PHB1: variants seen among roughly 807,000 people sequenced by gnomAD.
PHB1 encodes the protein prohibitin 1, also known as epididymis luminal protein 215.
At chr17:49,413,974 A>G in the PHB1 span, among the ~76,000 whole-genome samples, 1 of 152,320 alleles carries the variant, frequency 6.6e-6, no homozygotes, top group African/African-American at 2.4e-5. Context: ...GTGAGGTTAG[A>G]TTGGTGCAAT....
At chr17:49,406,663 G>T in the PHB1 span, 1 of 848,336 alleles carries the variant, frequency 1.2e-6, no homozygotes, top group Non-Finnish European at 2.0e-6. Flanking sequence ...AAGAAGGGAT[G>T]ACAGATGATG....
the PHB1 span, chr17:49,412,790 T>G: frequency 5.7e-6 from 1 of 175,182 alleles, no homozygotes. Flanking sequence ...CCCAAACAGA[T>G]CTGCAGCCTT....
chr17:49,414,066 A>G, the PHB1 span, among the ~76,000 whole-genome samples: 8 of 152,240 alleles, frequency 5.3e-5, no homozygotes, highest in African/African-American at 1.9e-4. Context: ...TAACACTTAT[A>G]TCAGGTAGCC....
chr17:49,405,343 C>CGGGGGAAGCG, the PHB1 span: 2 of 665,838 alleles, frequency 3.0e-6, no homozygotes, highest in South Asian at 3.7e-5. Context: ...TGATGGCTAG[C>CGGGGGAAGCG]GGGGGAAGCG....
At chr17:49,412,474 G>T in the PHB1 span, among the ~76,000 whole-genome samples, 1 of 152,166 alleles carries the variant, frequency 6.6e-6, no homozygotes, top group Non-Finnish European at 1.5e-5. Flanking sequence ...TTTATCATTG[G>T]TCCAAATATC....
chr17:49,405,204 C>T, the PHB1 span: 1 of 1,613,418 alleles, frequency 6.2e-7, no homozygotes, highest in Admixed American at 1.7e-5. Flanking sequence ...TGTTGCTCAG[C>T]CTAAAAGAAT....
At chr17:49,405,013 C>A in the PHB1 span, 126 of 1,556,096 alleles carry the variant, frequency 8.1e-5, no homozygotes, top group Middle Eastern at 1.7e-3. Flanking sequence ...GCTGGAGGAG[C>A]ACGGACTGCC....
At chr17:49,409,291 G>T in the PHB1 span, 5 of 1,612,478 alleles carry the variant, frequency 3.1e-6, no homozygotes, top group Non-Finnish European at 4.2e-6. Flanking sequence ...CTCCCAGGGT[G>T]GTGCTCTGGG....
the PHB1 span, chr17:49,411,720 G>T: frequency 1.9e-6 from 3 of 1,614,046 alleles, no homozygotes; most frequent in Non-Finnish European, 2.5e-6. Context: ...GGTCGAGAAC[G>T]GCAGTCAAAG....
At chr17:49,409,369 G>A in the PHB1 span, 3 of 1,614,148 alleles carry the variant, frequency 1.9e-6, no homozygotes, top group Non-Finnish European at 2.5e-6. Context: ...ATGGACGGCA[G>A]CACACGCTCA....
the PHB1 span, chr17:49,412,139 A>G: frequency 3.6e-6 from 1 of 280,874 alleles, no homozygotes; most frequent in East Asian, 6.6e-5. Context: ...TCCCACCAAC[A>G]TATTTCCAGG....
the PHB1 span, chr17:49,409,545 T>TTG: frequency 2.9e-5 from 22 of 764,546 alleles, no homozygotes; most frequent in Non-Finnish European, 4.1e-5. Flanking sequence ...TTTTTTTTGT[T>TTG]TTTTTTTTTT....
At chr17:49,412,085 G>A in the PHB1 span, 1 of 413,088 alleles carries the variant, frequency 2.4e-6, no homozygotes. Context: ...TCTCCTTGAG[G>A]GAACTGGCTG....
At chr17:49,409,533 T>C in the PHB1 span, 3 of 1,098,958 alleles carry the variant, frequency 2.7e-6, no homozygotes, top group Non-Finnish European at 3.7e-6. Context: ...AAAACAAGTG[T>C]TTTTTTTTTG....
the PHB1 span, among the ~76,000 whole-genome samples, chr17:49,410,926 G>C: frequency 6.6e-6 from 1 of 152,202 alleles, no homozygotes; most frequent in Non-Finnish European, 1.5e-5. Context: ...GATCCAGGGA[G>C]AGAATTATAC....
At chr17:49,406,748 C>T in the PHB1 span, 29 of 1,604,292 alleles carry the variant, frequency 1.8e-5, no homozygotes, top group East Asian at 1.6e-4. Context: ...GCCATCTGGT[C>T]GAAGGCTCAC....
chr17:49,411,590 TG>T, the PHB1 span: 1 of 1,175,846 alleles, frequency 8.5e-7, no homozygotes, highest in Non-Finnish European at 1.2e-6. Context: ...TTTTGGATCC[TG>T]GTATCCCACA....
At chr17:49,408,134 G>T in the PHB1 span, among the ~76,000 whole-genome samples, 2 of 152,150 alleles carry the variant, frequency 1.3e-5, no homozygotes, top group African/African-American at 2.4e-5. Flanking sequence ...ACGAGGGAAG[G>T]GCCCACAGAA....
At chr17:49,406,668 A>T in the PHB1 span, 4,269 of 870,830 alleles carry the variant, frequency 4.9e-3, 43 homozygotes, top group Middle Eastern at 0.022. Context: ...GGGATGACAG[A>T]TGATGAATTT....
Sources: gnomAD v4.1 joint callset for allele counts (sites outside exome capture counted in the v4.1 genomes callset) on GRCh38, gnomAD v4.1.1 for gene constraint, MANE v1.5 for transcripts, NCBI Gene and HGNC (gene_info 2026-07-23, HGNC 2026-07-21) for gene names.